Variants in UBR2 observed in about 807,000 individuals in gnomAD.
UBR2 encodes ubiquitin protein ligase E3 component n-recognin 2, also known as E3 ubiquitin-protein ligase UBR2.
Under a neutral mutation model 247.9 loss-of-function variants are expected in UBR2, and 92 were observed. The observed-to-expected ratio is 0.37, with a 90% confidence interval of 0.31 to 0.44. UBR2 has a LOEUF of 0.44. Ranked by LOEUF, UBR2 falls within the 20% of genes least tolerant of loss-of-function variation. UBR2 has a pLI of 1.00. For synonymous variants in UBR2, 672 were observed against 693.5 expected (o/e 0.97, Z 0.49); for missense variants, 1,613 against 2,112.6 (o/e 0.76, Z 4.64).
At chr6:42,630,999 G>A (rs896550756) in intron 11 of UBR2, among the ~76,000 whole-genome samples, 1 of 151,976 alleles carries the variant, frequency 6.6e-6, no homozygotes, top group African/African-American at 2.4e-5. Flanking sequence ...TAGAGACAGG[G>A]TTTCACTGTG....
intron 26 of UBR2, among the ~76,000 whole-genome samples, chr6:42,657,129 G>T (rs1370893970): frequency 6.6e-6 from 1 of 151,646 alleles, no homozygotes; most frequent in Non-Finnish European, 1.5e-5. Context: ...CAGCTGCTCG[G>T]GAGGCTGAGG....
intron 30 of UBR2, among the ~76,000 whole-genome samples, chr6:42,661,644 T>C (rs1797810144): frequency 6.6e-6 from 1 of 152,144 alleles, no homozygotes; most frequent in Non-Finnish European, 1.5e-5. Context: ...TTACCTTTTT[T>C]CCCCCCATCT....
In UBR2 at chr6:42,612,879, T is replaced by C. The variant is rs567642777; in HGVS notation, c.985+588T>C. Among the ~76,000 whole-genome samples the C allele has an allele frequency of 1.6e-4, 25 of 152,286 alleles. 1 individual carries two copies. Among genetic ancestry groups the C allele is most frequent in the Admixed American group, 1.5e-3 (23 of 15,296 alleles). ...ACTTTGGGAGGCCAAGGTGGGTGGA[T>C]AACCTGAGGTCAGGAGTTCAAGACC... On this transcript the variant is annotated intron_variant, in intron 8 of 46. Transcript: ENST00000372901.
At chr6:42,575,576 C>T (rs2151904640) in intron 2 of UBR2, among the ~76,000 whole-genome samples, 2 of 152,240 alleles carry the variant, frequency 1.3e-5, no homozygotes, top group South Asian at 4.1e-4. Context: ...GATCTTGACA[C>T]TTTTGAAGAT....
chr6:42,646,076 TA>T (rs1268214702), intron 21 of UBR2, among the ~76,000 whole-genome samples: 1 of 152,180 alleles, frequency 6.6e-6, no homozygotes, highest in Admixed American at 6.5e-5. Context: ...GAATGCAAAA[TA>T]ATAGTGAAAA....
chr6:42,661,419 C>G lies in UBR2; in HGVS notation c.3443-765C>G, dbSNP rs1797796970. On this transcript the variant is annotated intron_variant, in intron 30 of 46. Transcript: ENST00000372901. ...TGGCTATAAGTGGATTTTCTTAATG[C>G]TTTGACATTTGCACTGTTCTAGTGT... 2.0e-5 allele frequency among the ~76,000 whole-genome samples: 3 copies of G among 152,150 alleles called. No individual in the cohort carries two copies. The South Asian group carries it at 6.2e-4, about 32-fold the overall frequency.
chr6:42,661,468 G>A (rs1692235653), intron 30 of UBR2, among the ~76,000 whole-genome samples: 2 of 152,192 alleles, frequency 1.3e-5, no homozygotes, highest in South Asian at 2.1e-4. Context: ...AACTATTAAA[G>A]CAAATTAAAA....
chr6:42,649,156 C>T (rs574672629), intron 22 of UBR2, among the ~76,000 whole-genome samples: 102 of 152,182 alleles, frequency 6.7e-4, no homozygotes, highest in African/African-American at 2.1e-3. Flanking sequence ...TACAGGCGCC[C>T]GCCACCACAC....
In UBR2 at chr6:42,570,597, G is replaced by A. The variant is rs1272756265; in HGVS notation, c.79-3137G>A. 2.6e-5 allele frequency among the ~76,000 whole-genome samples: 4 copies of A among 152,050 alleles called. No homozygotes were observed. In the East Asian group the frequency reaches 7.7e-4, roughly 29 times the overall value. The stretch of plus-strand genomic sequence containing the variant: ...TTCTTGGACCAGACTTTTAAGTCTT[G>A]TTATTTATAATAATATGTAATAAAG... On this transcript the variant is annotated intron_variant, in intron 1 of 46. Transcript: ENST00000372901.
At chr6:42,619,094 AT>A (rs1053000477) in intron 11 of UBR2, among the ~76,000 whole-genome samples, 2 of 152,018 alleles carry the variant, frequency 1.3e-5, no homozygotes, top group Non-Finnish European at 2.9e-5. Flanking sequence ...TGTAATAATT[AT>A]TTATAGCTTA....
At position 42,689,653 on chromosome 6, in the gene UBR2, G is replaced by T; in HGVS notation, c.5109G>T (p.Glu1703Asp). The change falls in exon 46 of 47, where the codon GAG becomes GAT. Residue 1703 changes from glutamate (E) to aspartate (D), a missense_variant. Around this residue, in one of 3 missense-constraint regions of UBR2, gnomAD observed 80 missense variants for 108.6 expected, o/e 0.74. Coordinates refer to ENST00000372901, the MANE Select transcript of UBR2 (RefSeq NM_001363705.2). The surrounding 1 kb of genome is among the most constrained non-coding windows in gnomAD (Gnocchi z 4.0). The stretch of plus-strand genomic sequence containing the variant: ...CTCCTTACCTTGATGACTATGGGGA[G>T]ACCGACCAGGGACTCAGGTAAGAAC... ...YSPPYLDDYG[E>D]TDQGLRRGNP... 5 of 1,614,050 alleles carry T rather than the reference G, an allele frequency of 3.1e-6. No individual in the cohort carries two copies. The highest frequency in any genetic ancestry group is 4.2e-6 in the Non-Finnish European group (5 of 1,179,976).
intron 8 of UBR2, among the ~76,000 whole-genome samples, chr6:42,614,588 T>A (rs1010390884): frequency 1.3e-5 from 2 of 152,076 alleles, no homozygotes; most frequent in African/African-American, 4.8e-5. Context: ...CCACAATAAG[T>A]TTTTGTTTAA....
intron 4 of UBR2, among the ~76,000 whole-genome samples, chr6:42,600,625 C>CAAAAA (rs71680032): frequency 0.11 from 11,920 of 105,716 alleles, 703 homozygotes; most frequent in African/African-American, 0.16. Context: ...GTTACTGTAG[C>CAAAAA]AAAAAAAAAA....
At chr6:42,609,930 A>T (rs1793966752) in intron 7 of UBR2, among the ~76,000 whole-genome samples, 1 of 151,658 alleles carries the variant, frequency 6.6e-6, no homozygotes, top group Non-Finnish European at 1.5e-5. Flanking sequence ...ATGTTGATAG[A>T]TTTGAATAGA....
At chr6:42,645,081 G>A (rs1562351662) in intron 20 of UBR2, among the ~76,000 whole-genome samples, 1 of 152,062 alleles carries the variant, frequency 6.6e-6, no homozygotes, top group Non-Finnish European at 1.5e-5. Flanking sequence ...TACCAATGAA[G>A]AAAGTCTCCG....
Position 42,642,403 on chromosome 6 carries a change from CTT to C in UBR2, c.2032-4_2032-3del, listed in dbSNP as rs749345194. ...AAAAACTATTTACTCAATATAATTA[CTT>C]TTTTTTTTAGATTTATTACTACCAT... On this transcript the variant is annotated splice_polypyrimidine_tract_variant and intron_variant, in intron 17 of 46. Coordinates refer to ENST00000372901, the MANE Select transcript of UBR2 (RefSeq NM_001363705.2). 7 of 1,365,684 alleles carry C rather than the reference CTT, an allele frequency of 5.1e-6. No individual in the cohort carries two copies. The highest frequency in any genetic ancestry group is 1.9e-5 in the Admixed American group (1 of 52,076). 84.6% of individuals were successfully genotyped at this position (1,365,684 alleles called of 1,614,324 possible).
intron 13 of UBR2, 135 bp from the exon 14 acceptor site, chr6:42,635,283 G>A: frequency 1.3e-6 from 1 of 787,108 alleles, no homozygotes. Flanking sequence ...CATAGTACTT[G>A]AAGTTTCCTG....
chr6:42,601,984 C>G (rs1326838240), intron 4 of UBR2, among the ~76,000 whole-genome samples: 5 of 97,680 alleles, frequency 5.1e-5, no homozygotes, highest in Non-Finnish European at 9.0e-5. Context: ...ATTCTCCTGC[C>G]TCAGCCTCCT....
intron 23 of UBR2, 124 bp downstream of exon 23, chr6:42,650,510 C>A: frequency 1.4e-6 from 1 of 693,118 alleles, no homozygotes; most frequent in Non-Finnish European, 2.3e-6. Flanking sequence ...TAGAGCATTG[C>A]AACCTCAAAC....
Sources: allele counts gnomAD v4.1 joint callset (sites outside exome capture counted in the v4.1 genomes callset), GRCh38; gene constraint gnomAD v4.1.1; regional missense constraint gnomAD v4.1.1; non-coding constraint Gnocchi (gnomAD v3.1); transcripts MANE v1.5; gene names NCBI Gene and HGNC (gene_info 2026-07-23, HGNC 2026-07-21).